Variants in FBXW11 observed in about 807,000 individuals in gnomAD.
FBXW11 encodes the protein F-box and WD repeat domain containing 11.
In FBXW11, 19 loss-of-function variants were observed where a neutral mutation model predicts 77.6. That is an observed-to-expected ratio of 0.24 (90% CI 0.17 to 0.36). The LOEUF (loss-of-function observed/expected upper bound fraction) is 0.36, where lower values mean the gene tolerates loss of function less well. Ranked by LOEUF, FBXW11 falls within the 10% of genes least tolerant of loss-of-function variation. The pLI, the probability that FBXW11 is intolerant of heterozygous loss-of-function variation, is 1.00. For missense variants in FBXW11, 334 were observed against 704.2 expected (o/e 0.47, Z 5.95); for synonymous variants, 235 against 249.4 (o/e 0.94, Z 0.54).
intron 1 of FBXW11, among the ~76,000 whole-genome samples, chr5:171,969,357 C>T (rs1232411945): frequency 6.6e-6 from 1 of 152,160 alleles, no homozygotes; most frequent in South Asian, 2.1e-4. Context: ...AGAAGAGATA[C>T]CACTTTCTGG....
In FBXW11 at chr5:171,998,563, G is replaced by A. The variant is rs370421585; in HGVS notation, c.45+7895C>T. Among the ~76,000 whole-genome samples, 168 of 151,520 alleles carry A rather than the reference G, an allele frequency of 1.1e-3. 2 individuals are homozygous for A. Among genetic ancestry groups the A allele is most frequent in the East Asian group, 9.2e-3 (46 of 5,024 alleles). On this transcript the variant is annotated intron_variant, in intron 1 of 13. Coordinates refer to ENST00000517395, the MANE Select transcript of FBXW11 (RefSeq NM_001378974.1). ...TGTAGTCCCAACATTTTGGGAGGCC[G>A]AGGCGGGCAGATCACTTGAGGTCAG...
intron 2 of FBXW11, among the ~76,000 whole-genome samples, chr5:171,936,952 G>A (rs537770582): frequency 6.6e-6 from 1 of 152,288 alleles, no homozygotes; most frequent in Admixed American, 6.5e-5. Flanking sequence ...TTCAATCAAT[G>A]TTATGGAACA....
intron 1 of FBXW11, among the ~76,000 whole-genome samples, chr5:171,959,064 CTTACTAG>C (rs1300160359): frequency 6.6e-6 from 1 of 150,460 alleles, no homozygotes; most frequent in Admixed American, 6.7e-5. Context: ...GTATCTGTCA[CTTACTAG>C]TTACAGTTCA....
rs956853565 is a variant in FBXW11, at chr5:171,862,513, T to C, written c.*1614A>G. The stretch of plus-strand genomic sequence containing the variant: ...GAGGCTGTTTATTGGTCCTTTAAAA[T>C]GTTATTGACATTCCTTGATCTTTGG... On this transcript the variant is annotated 3_prime_UTR_variant, in exon 14 of 14. Transcript: ENST00000517395. 6.6e-6 allele frequency: 1 copy of C among 152,658 alleles called. No individual in the cohort carries two copies. Among genetic ancestry groups the C allele is most frequent in the Non-Finnish European group, 1.5e-5 (1 of 68,046 alleles). The allele number at this position is 152,658 out of a possible 1,614,324, so 9.5% of individuals were successfully genotyped here. A position where few individuals can be genotyped will look rare whatever the true frequency, so the allele number is the denominator to read the frequency against.
intron 2 of FBXW11, among the ~76,000 whole-genome samples, chr5:171,950,881 G>A (rs998148186): frequency 4.0e-5 from 6 of 151,406 alleles, no homozygotes; most frequent in South Asian, 2.1e-4. Context: ...AGTTAGACTC[G>A]GTCTCAAAAA....
chr5:171,913,195 T>C (rs1760993669), intron 3 of FBXW11, among the ~76,000 whole-genome samples: 1 of 152,210 alleles, frequency 6.6e-6, no homozygotes, highest in South Asian at 2.1e-4. Context: ...GATAACAACT[T>C]GCATTTGTGT....
rs1345324530 is a variant in FBXW11 at position 171,877,994 on chromosome 5, G to A, written c.971+17C>T. 6.4e-7 allele frequency: 1 copy of A among 1,569,654 alleles called. No homozygotes were observed. Among genetic ancestry groups the A allele is most frequent in the South Asian group, 1.1e-5 (1 of 89,546 alleles). Reference sequence around the variant, plus strand: ...GGAAGGCTTACAAGTTAAGAACAATGAAGCCAGATCACTCACCTCACCGTA... The same window carrying A: ...GGAAGGCTTACAAGTTAAGAACAATAAAGCCAGATCACTCACCTCACCGTA... On this transcript the variant is annotated intron_variant, in intron 8 of 13. Coordinates refer to ENST00000517395, the MANE Select transcript of FBXW11 (RefSeq NM_001378974.1).
rs767437124 is a variant in FBXW11, at chr5:171,863,754, G to C, written c.*373C>G. On this transcript the variant is annotated 3_prime_UTR_variant, in exon 14 of 14. Coordinates refer to ENST00000517395, the MANE Select transcript of FBXW11 (RefSeq NM_001378974.1). Reference sequence around the variant, plus strand: ...TGCTGTTTCTTAATATCAAACCAAAGTGCAAAGCAATATAAATTAGAGGCC... The same window carrying C: ...TGCTGTTTCTTAATATCAAACCAAACTGCAAAGCAATATAAATTAGAGGCC... 1 of 152,608 alleles carries C rather than the reference G, an allele frequency of 6.6e-6. No individual in the cohort carries two copies. Among genetic ancestry groups the C allele is most frequent in the Non-Finnish European group, 1.5e-5 (1 of 68,044 alleles). 9.5% of individuals were successfully genotyped at this position (152,608 alleles called of 1,614,324 possible).
chr5:171,917,409 C>T (rs1481733161), intron 2 of FBXW11, among the ~76,000 whole-genome samples: 1 of 152,084 alleles, frequency 6.6e-6, no homozygotes, highest in Non-Finnish European at 1.5e-5. Flanking sequence ...TTCATTTATT[C>T]CAAAACAGAG....
intron 2 of FBXW11, among the ~76,000 whole-genome samples, chr5:171,927,373 GAA>G (rs1481550705): frequency 6.6e-6 from 1 of 152,132 alleles, no homozygotes; most frequent in Non-Finnish European, 1.5e-5. Flanking sequence ...TACAGAGCAA[GAA>G]AAGAGTGGCA....
intron 7 of FBXW11, among the ~76,000 whole-genome samples, chr5:171,882,902 T>C (rs910939093): frequency 1.3e-5 from 2 of 152,202 alleles, no homozygotes; most frequent in African/African-American, 4.8e-5. Context: ...CAGTATATAC[T>C]GCACCATATT....
At chr5:171,890,299 CATTACTTGAGGTCAGG>C (rs1759253022) in intron 7 of FBXW11, among the ~76,000 whole-genome samples, 1 of 151,960 alleles carries the variant, frequency 6.6e-6, no homozygotes, top group African/African-American at 2.4e-5. Context: ...GGGGCAGGCG[CATTACTTGAGGTCAGG>C]AGCTCAAGAC....
intron 6 of FBXW11, among the ~76,000 whole-genome samples, chr5:171,894,163 C>T (rs111406012): frequency 0.023 from 3,499 of 152,224 alleles, 128 homozygotes; most frequent in African/African-American, 0.079. Context: ...TGTGATACAT[C>T]AGTCCCCTGA....
At chr5:171,916,661 G>A (rs781055824) in intron 2 of FBXW11, among the ~76,000 whole-genome samples, 9 of 152,260 alleles carry the variant, frequency 5.9e-5, no homozygotes, top group Admixed American at 1.3e-4. Flanking sequence ...AAGAAAGGGG[G>A]AGCAGTGACT....
Position 171,906,322 on chromosome 5 carries a change from T to C in FBXW11, c.436+4250A>G, listed in dbSNP as rs998988954. 9.2e-5 allele frequency among the ~76,000 whole-genome samples: 14 copies of C among 152,054 alleles called. No individual in the cohort carries two copies. In the East Asian group the frequency reaches 2.7e-3, roughly 29 times the overall value. ...ACAATGCAATTGCTAACAGCAACAG[T>C]CCCTCAACGGATGCCTTTCACTTGG... is the stretch of plus-strand genomic sequence containing the variant. On this transcript the variant is annotated intron_variant, in intron 4 of 13. Coordinates refer to ENST00000517395, the MANE Select transcript of FBXW11 (RefSeq NM_001378974.1).
At chr5:171,886,609 G>A (rs916844806) in intron 7 of FBXW11, among the ~76,000 whole-genome samples, 5 of 151,528 alleles carry the variant, frequency 3.3e-5, no homozygotes, top group Non-Finnish European at 5.9e-5. Flanking sequence ...AAAATAAAAC[G>A]ATATATTGAT....
chr5:171,987,125 G>A (rs752625032), intron 1 of FBXW11, among the ~76,000 whole-genome samples: 2 of 152,096 alleles, frequency 1.3e-5, no homozygotes. Context: ...CCCACTCCCC[G>A]TGCCTGGTCT....
chr5:171,901,785 C>T (rs1280927175), intron 4 of FBXW11, among the ~76,000 whole-genome samples: 1 of 152,158 alleles, frequency 6.6e-6, no homozygotes, highest in Non-Finnish European at 1.5e-5. Flanking sequence ...CAGCTTTGTG[C>T]GGTTTATATT....
intron 2 of FBXW11, among the ~76,000 whole-genome samples, chr5:171,930,819 A>G (rs997580454): frequency 3.3e-5 from 5 of 151,810 alleles, no homozygotes; most frequent in Admixed American, 1.3e-4. Context: ...GGAACTCATA[A>G]GTGATTATGG....
Sources: gnomAD v4.1 joint callset for allele counts (sites outside exome capture counted in the v4.1 genomes callset) on GRCh38, gnomAD v4.1.1 for gene constraint, MANE v1.5 for transcripts, NCBI Gene and HGNC (gene_info 2026-07-23, HGNC 2026-07-21) for gene names.